NR3C2: variants seen among roughly 807,000 people sequenced by gnomAD.
The protein encoded by NR3C2 is nuclear receptor subfamily 3 group C member 2.
In NR3C2, 15 loss-of-function variants were observed where a neutral mutation model predicts 86.4. The ratio of observed to expected loss-of-function variants is 0.17; its 90% CI spans 0.12 to 0.27. The LOEUF is 0.27. Ranked by LOEUF, NR3C2 falls within the 10% of genes least tolerant of loss-of-function variation. The pLI, the probability that NR3C2 is intolerant of heterozygous loss-of-function variation, is 1.00. For missense variants in NR3C2, 960 were observed against 1,195.6 expected, an observed-to-expected ratio of 0.80 and a Z score of 2.91; for synonymous variants, 458 against 450.5, an observed-to-expected ratio of 1.02 and a Z score of -0.21.
At chr4:148,155,569 C>T (rs1578949777) in intron 4 of NR3C2, among the ~76,000 whole-genome samples, 1 of 151,800 alleles carries the variant, frequency 6.6e-6, no homozygotes, top group African/African-American at 2.4e-5. Flanking sequence ...ATGTGAAGGA[C>T]CTCTTCAAGG....
chr4:148,196,731 T>A (rs1736458007), intron 3 of NR3C2, among the ~76,000 whole-genome samples: 1 of 152,204 alleles, frequency 6.6e-6, no homozygotes, highest in Admixed American at 6.5e-5. Context: ...AGTAACAGAA[T>A]AGGGAAATCT....
rs72656891 is a variant in NR3C2 at position 148,386,625 on chromosome 4, T to C, written c.1757+48479A>G. Among the ~76,000 whole-genome samples, 651 of 152,328 alleles carry C rather than the reference T, an allele frequency of 4.3e-3. 1 individual carries two copies. Among genetic ancestry groups the C allele is most frequent in the African/African-American group, 0.015 (623 of 41,576 alleles). On this transcript the variant is annotated intron_variant, in intron 2 of 8. Transcript: ENST00000358102. ...ACCCTTATGCCAAGAATGAAGCGATTTGTTCAGCAGAACAAAGTCAGATAT... is the reference window on the plus strand; with the variant it reads ...ACCCTTATGCCAAGAATGAAGCGATCTGTTCAGCAGAACAAAGTCAGATAT...
intron 4 of NR3C2, among the ~76,000 whole-genome samples, chr4:148,175,716 T>A (rs1735344638): frequency 1.3e-5 from 2 of 152,216 alleles, no homozygotes; most frequent in Admixed American, 6.5e-5. Context: ...TATGCCTTCC[T>A]ATGTAAATAA....
chr4:148,237,078 C>T (rs1738782838), intron 3 of NR3C2, among the ~76,000 whole-genome samples: 1 of 152,166 alleles, frequency 6.6e-6, no homozygotes, highest in South Asian at 2.1e-4. Flanking sequence ...ACATTTATAT[C>T]TCACTGAACT....
chr4:148,164,171 G>A (rs375837915), intron 4 of NR3C2, among the ~76,000 whole-genome samples: 1 of 152,236 alleles, frequency 6.6e-6, no homozygotes, highest in Admixed American at 6.5e-5. Context: ...TACACTGGAA[G>A]GTTATTTTAC....
rs375009299 is a variant in NR3C2 at position 148,120,179 on chromosome 4, C to T, written c.2620G>A (p.Val874Ile). 1 of 1,614,140 alleles carries T rather than the reference C, an allele frequency of 6.2e-7. No individual in the cohort carries two copies. Among genetic ancestry groups the T allele is most frequent in the Admixed American group, 1.7e-5 (1 of 60,018 alleles). The change falls in exon 7 of 9, where the codon GTT becomes ATT. Residue 874 changes from valine (V) to isoleucine (I), a missense_variant. Physicochemically the swap from Val to Ile is conservative, Grantham distance 29. Coordinates refer to ENST00000358102, the MANE Select transcript of NR3C2 (RefSeq NM_000901.5). Reference protein sequence around the residue: ...LTFEEYTIMKVLLLLSTIPKD... With the variant: ...LTFEEYTIMKILLLLSTIPKD... ...TTACTTGTGCTTAGTAGCAGCAAAA[C>T]TTTCATGATGGTGTATTCTTCAAAG...
intron 2 of NR3C2, among the ~76,000 whole-genome samples, chr4:148,407,007 A>G (rs1370755621): frequency 6.6e-6 from 1 of 152,220 alleles, no homozygotes; most frequent in African/African-American, 2.4e-5. Context: ...AACCATTTGC[A>G]AAGAGTTAAC....
intron 8 of NR3C2, among the ~76,000 whole-genome samples, chr4:148,086,695 T>C (rs768153478): frequency 9.9e-5 from 15 of 152,168 alleles, no homozygotes; most frequent in Non-Finnish European, 2.1e-4. Context: ...TGAGCCAAGA[T>C]TGCACCACTG....
At chr4:148,312,604 A>G (rs572990775) in intron 2 of NR3C2, among the ~76,000 whole-genome samples, 47 of 152,326 alleles carry the variant, frequency 3.1e-4, no homozygotes, top group Non-Finnish European at 5.7e-4. Context: ...CGTGAAAGCC[A>G]CCTGCAAAAG....
intron 3 of NR3C2, among the ~76,000 whole-genome samples, chr4:148,237,220 T>C (rs755562665): frequency 6.6e-6 from 1 of 152,178 alleles, no homozygotes; most frequent in Admixed American, 6.5e-5. Context: ...CATTTGCAAC[T>C]GGACAATTTA....
intron 4 of NR3C2, among the ~76,000 whole-genome samples, chr4:148,157,015 T>C (rs1484463222): frequency 6.6e-6 from 1 of 151,592 alleles, no homozygotes; most frequent in Non-Finnish European, 1.5e-5. Context: ...GGGACATGGA[T>C]GAAATTGGAA....
intron 2 of NR3C2, among the ~76,000 whole-genome samples, chr4:148,317,659 T>C (rs1743269063): frequency 6.6e-6 from 1 of 152,118 alleles, no homozygotes; most frequent in Non-Finnish European, 1.5e-5. Context: ...TCAGTTTTAA[T>C]TTTCCTTGAA....
intron 2 of NR3C2, among the ~76,000 whole-genome samples, chr4:148,332,174 A>G (rs758932018): frequency 6.6e-6 from 1 of 152,244 alleles, no homozygotes; most frequent in African/African-American, 2.4e-5. Flanking sequence ...TGAATCGTAT[A>G]GTATGTGAAT....
chr4:148,123,304 A>G (rs1326547295), intron 6 of NR3C2, among the ~76,000 whole-genome samples: 1 of 152,214 alleles, frequency 6.6e-6, no homozygotes, highest in Non-Finnish European at 1.5e-5. Context: ...TCAAGGCAAT[A>G]CATGCACTGC....
At chr4:148,318,051 G>A (rs1376295404) in intron 2 of NR3C2, among the ~76,000 whole-genome samples, 5 of 122,654 alleles carry the variant, frequency 4.1e-5, no homozygotes, top group African/African-American at 1.6e-4. Context: ...ACAGTCCCCA[G>A]AGTGTGATAT....
intron 4 of NR3C2, among the ~76,000 whole-genome samples, chr4:148,174,887 G>A (rs1330950760): frequency 6.6e-6 from 1 of 152,048 alleles, no homozygotes; most frequent in African/African-American, 2.4e-5. Context: ...TAATCTTCAC[G>A]TTTTAAGTGC....
chr4:148,083,628 TCTC>T (rs1296112908), intron 8 of NR3C2, among the ~76,000 whole-genome samples: 1 of 152,056 alleles, frequency 6.6e-6, no homozygotes, highest in Non-Finnish European at 1.5e-5. Context: ...GAACGCCTCT[TCTC>T]CTACAAAGGA....
chr4:148,211,362 G>A (rs1196183621), intron 3 of NR3C2, among the ~76,000 whole-genome samples: 1 of 152,176 alleles, frequency 6.6e-6, no homozygotes, highest in Non-Finnish European at 1.5e-5. Flanking sequence ...GTGATCACAC[G>A]AGAATCTTTA....
upstream of NR3C2, among the ~76,000 whole-genome samples, chr4:148,443,715 C>T (rs1750464351): frequency 6.6e-6 from 1 of 152,230 alleles, no homozygotes; most frequent in Non-Finnish European, 1.5e-5. Context: ...CCTCGGCGAC[C>T]CGCAGCCCGG....
Sources: allele counts gnomAD v4.1 joint callset (sites outside exome capture counted in the v4.1 genomes callset), GRCh38; gene constraint gnomAD v4.1.1; transcripts MANE v1.5; gene names NCBI Gene and HGNC (gene_info 2026-07-23, HGNC 2026-07-21).